PLD5: variants seen among roughly 807,000 people sequenced by gnomAD.
PLD5 encodes the protein inactive phospholipase D5.
In PLD5, 36 loss-of-function variants were observed where a neutral mutation model predicts 61.1. The observed-to-expected ratio is 0.59, with a 90% CI of 0.45 to 0.78. PLD5 has a LOEUF of 0.78. Ranked by LOEUF, PLD5 falls within the 30% of genes least tolerant of loss-of-function variation. The pLI is 0.00. For synonymous variants in PLD5, 243 were observed against 242.8 expected, an observed-to-expected ratio of 1.00 and a Z score of -0.01; for missense variants, 515 against 644.4, an observed-to-expected ratio of 0.80 and a Z score of 2.17.
chr1:242,393,538 A>ATATATATGTGTATATATGTGAG lies in PLD5; in HGVS notation c.190-45297_190-45296insCTCACATATATACACATATATA, dbSNP rs1558524034. Among the ~76,000 whole-genome samples, 108 of 92,224 alleles carry ATATATATGTGTATATATGTGAG rather than the reference A, an allele frequency of 1.2e-3. 30 individuals are homozygous for ATATATATGTGTATATATGTGAG. The highest frequency in any genetic ancestry group is 4.8e-3 in the African/African-American group (97 of 20,040). The allele number at this position is 92,224 out of a possible 152,430, so 60.5% of individuals were successfully genotyped here. On this transcript the variant is annotated intron_variant, in intron 1 of 9. Coordinates refer to ENST00000536534, the MANE Select transcript of PLD5 (RefSeq NM_001372062.1). ...TATATATATGTGTATATATGTGAGT[A>ATATATATGTGTATATATGTGAG]TATATATGTGTATATATATGAGTAT...
intron 4 of PLD5, among the ~76,000 whole-genome samples, chr1:242,249,835 A>AT (rs1185824987): frequency 6.6e-6 from 1 of 152,220 alleles, no homozygotes; most frequent in Non-Finnish European, 1.5e-5. Flanking sequence ...TTCAAATGCC[A>AT]TTTTCAATGT....
At chr1:242,494,563 C>T (rs1668299577) in intron 1 of PLD5, among the ~76,000 whole-genome samples, 1 of 152,134 alleles carries the variant, frequency 6.6e-6, no homozygotes, top group Non-Finnish European at 1.5e-5. Flanking sequence ...AACATATCTA[C>T]CTCTGCACCA....
chr1:242,119,052 A>AAT (rs1335404386), intron 6 of PLD5, among the ~76,000 whole-genome samples: 13 of 152,308 alleles, frequency 8.5e-5, no homozygotes, highest in African/African-American at 3.1e-4. Context: ...GAAGAGGGAA[A>AAT]ATACAGATCC....
rs1360255444 is a variant in PLD5 at position 242,390,024 on chromosome 1, ATT to A, written c.190-41784_190-41783del. 4.0e-3 allele frequency among the ~76,000 whole-genome samples: 121 copies of A among 30,124 alleles called. 1 individual carries two copies. In the East Asian group the frequency reaches 0.08, roughly 20 times the overall value. 19.8% of individuals were successfully genotyped at this position (30,124 alleles called of 152,430 possible). A position where few individuals can be genotyped will look rare whatever the true frequency, so the allele number is the denominator to read the frequency against. ...AATGATACAAATAATAATAATAATT[ATT>A]ATTATTATTATTGAGATGAAGTCTC... On this transcript the variant is annotated intron_variant, in intron 1 of 9. Coordinates refer to ENST00000536534, the MANE Select transcript of PLD5 (RefSeq NM_001372062.1).
intron 1 of PLD5, among the ~76,000 whole-genome samples, chr1:242,441,010 T>C (rs997053468): frequency 8.5e-5 from 13 of 152,198 alleles, no homozygotes; most frequent in Admixed American, 3.3e-4. Flanking sequence ...AAAGCATCCA[T>C]GTCCATTATA....
At chr1:242,154,780 A>G (rs762773085) in intron 5 of PLD5, among the ~76,000 whole-genome samples, 1 of 152,130 alleles carries the variant, frequency 6.6e-6, no homozygotes, top group South Asian at 2.1e-4. Flanking sequence ...CTCGATGTTC[A>G]TCAGTAATAT....
intron 4 of PLD5, among the ~76,000 whole-genome samples, chr1:242,232,159 C>T (rs1170431032): frequency 1.3e-5 from 2 of 151,912 alleles, no homozygotes; most frequent in African/African-American, 2.4e-5. Flanking sequence ...TTTAAAAAGG[C>T]CCACACACAT....
chr1:242,417,913 G>A (rs944248467), intron 1 of PLD5, among the ~76,000 whole-genome samples: 3 of 152,164 alleles, frequency 2.0e-5, no homozygotes, highest in African/African-American at 7.2e-5. Flanking sequence ...CAAGTGAAAT[G>A]GAAAACCAAA....
intron 5 of PLD5, among the ~76,000 whole-genome samples, chr1:242,174,678 A>G (rs1322261447): frequency 6.6e-6 from 1 of 152,242 alleles, no homozygotes. Flanking sequence ...GATTGGATTA[A>G]GAAAACATGG....
chr1:242,442,007 C>T (rs955934098), intron 1 of PLD5, among the ~76,000 whole-genome samples: 3 of 152,186 alleles, frequency 2.0e-5, no homozygotes, highest in Non-Finnish European at 4.4e-5. Context: ...CTGTAAGCTT[C>T]TGTATAAAGC....
At chr1:242,179,628 C>A (rs1667388349) in intron 5 of PLD5, among the ~76,000 whole-genome samples, 1 of 152,138 alleles carries the variant, frequency 6.6e-6, no homozygotes, top group South Asian at 2.1e-4. Context: ...ATAGGCCAGG[C>A]ACAGTGGCTC....
intron 5 of PLD5, among the ~76,000 whole-genome samples, chr1:242,163,769 T>C (rs778088689): frequency 2.0e-5 from 3 of 151,340 alleles, no homozygotes; most frequent in African/African-American, 4.9e-5. Flanking sequence ...GAAAAGGAAA[T>C]GGAAAGGAAG....
chr1:242,192,752 G>C lies in PLD5; in HGVS notation c.735+27236C>G, dbSNP rs547942158. Among the ~76,000 whole-genome samples the C allele has an allele frequency of 1.3e-3, 195 of 152,236 alleles. 2 individuals are homozygous for C. The highest frequency in any genetic ancestry group is 4.5e-3 in the African/African-American group (187 of 41,524). ...TGAAGATGTTGAAGTTCTCGGGCAG[G>C]AAGAAGCGGGTGGGATGCAGACCAC... On this transcript the variant is annotated intron_variant, in intron 5 of 9. Coordinates refer to ENST00000536534, the MANE Select transcript of PLD5 (RefSeq NM_001372062.1).
intron 2 of PLD5, among the ~76,000 whole-genome samples, chr1:242,290,893 T>C (rs1241074349): frequency 2.0e-5 from 3 of 151,358 alleles, no homozygotes; most frequent in Non-Finnish European, 3.0e-5. Flanking sequence ...GGATTAATCT[T>C]TTAAAAATGT....
chr1:242,135,130 TAATTA>T (rs1283251644), intron 5 of PLD5, among the ~76,000 whole-genome samples: 3 of 152,350 alleles, frequency 2.0e-5, no homozygotes, highest in Admixed American at 6.5e-5. Flanking sequence ...GTTGTTGGGA[TAATTA>T]AATAATTTAT....
chr1:242,461,913 G>T (rs922678472), intron 1 of PLD5, among the ~76,000 whole-genome samples: 1 of 152,092 alleles, frequency 6.6e-6, no homozygotes. Context: ...TTTTTAGTGG[G>T]TTTATTTGTT....
intron 4 of PLD5, among the ~76,000 whole-genome samples, chr1:242,257,057 T>TATCTATCC (rs1673101235): frequency 6.6e-6 from 1 of 150,894 alleles, no homozygotes; most frequent in Non-Finnish European, 1.5e-5. Flanking sequence ...TCTATCTATC[T>TATCTATCC]ATCTATCTAT....
At chr1:242,438,637 G>T (rs950162790) in intron 1 of PLD5, among the ~76,000 whole-genome samples, 3 of 152,054 alleles carry the variant, frequency 2.0e-5, no homozygotes, top group Admixed American at 6.6e-5. Flanking sequence ...AGAGACGGGG[G>T]TTTCTCCATG....
chr1:242,378,778 T>G (rs1435978669), intron 1 of PLD5, among the ~76,000 whole-genome samples: 1 of 151,768 alleles, frequency 6.6e-6, no homozygotes, highest in Non-Finnish European at 1.5e-5. Context: ...GAGGTGGAGG[T>G]TGCAGTGAGC....
Sources: allele counts gnomAD v4.1 joint callset (sites outside exome capture counted in the v4.1 genomes callset), GRCh38; gene constraint gnomAD v4.1.1; transcripts MANE v1.5; gene names NCBI Gene and HGNC (gene_info 2026-07-23, HGNC 2026-07-21).